The following SOX6 variants were observed in gnomAD, a reference collection of about 807,000 sequenced individuals.
The protein encoded by SOX6 is SRY-box transcription factor 6, also known as transcription factor SOX-6.
SOX6 carries 11 observed loss-of-function variants against 97.8 expected under a neutral mutation model. The ratio of observed to expected loss-of-function variants is 0.11; its 90% CI spans 0.07 to 0.19. SOX6 has a LOEUF of 0.19. Among genes scored for constraint, SOX6 ranks in the 10% least tolerant of loss-of-function variants. The pLI, the probability that SOX6 is intolerant of heterozygous loss-of-function variation, is 1.00. For synonymous variants in SOX6, 360 were observed against 371.4 expected (o/e 0.97, Z 0.35); for missense variants, 810 against 1,039.5 (o/e 0.78, Z 3.04).
rs534665814 is a variant in SOX6 at position 16,545,313 on chromosome 11, C to G, written n.609+66768G>C. Among the ~76,000 whole-genome samples, 32 of 150,234 alleles carry G rather than the reference C, an allele frequency of 2.1e-4. No individual in the cohort carries two copies. In the South Asian group the frequency reaches 6.3e-3, roughly 30 times the overall value. ...TGAATAAAACTATAAACCCATGGAT[C>G]CAAAAACTTTAACAAAGTAAAGTCC... On this transcript the variant is annotated intron_variant and non_coding_transcript_variant, in intron 4 of 5. Transcript: ENST00000524520.
chr11:16,518,367 T>G (rs989936674), intron 4 of SOX6, among the ~76,000 whole-genome samples: 1 of 152,222 alleles, frequency 6.6e-6, no homozygotes, highest in African/African-American at 2.4e-5. Context: ...TCCTGAAAGT[T>G]AACTCTCCCA....
In SOX6 at chr11:16,578,940, G is replaced by C. The variant is rs111389955; in HGVS notation, n.609+33141C>G. On this transcript the variant is annotated intron_variant and non_coding_transcript_variant, in intron 4 of 5. Coordinates refer to the SOX6 transcript ENST00000524520. ...TTTTGTTTTGATTTCCAAAATAGCT[G>C]AAAAAAGCTTGTTTCCTTGGAATTT... 4.5e-3 allele frequency among the ~76,000 whole-genome samples: 689 copies of C among 152,062 alleles called. 3 individuals are homozygous for C. Among genetic ancestry groups the C allele is most frequent in the Non-Finnish European group, 8.1e-3 (549 of 67,900 alleles).
rs4508167 is a variant in SOX6, at chr11:16,553,979, C to T, written n.609+58102G>A. 5.6e-3 allele frequency among the ~76,000 whole-genome samples: 851 copies of T among 152,098 alleles called. 9 individuals are homozygous for T. The highest frequency in any genetic ancestry group is 0.02 in the African/African-American group (811 of 41,506). On this transcript the variant is annotated intron_variant and non_coding_transcript_variant, in intron 4 of 5. Coordinates refer to the SOX6 transcript ENST00000524520. ...ATTTGAAGTGTCTTAGGATGGTCAA[C>T]GCGGCAGTTTAGAAAGTGGTAGGCC...
intron 3 of SOX6, among the ~76,000 whole-genome samples, chr11:16,702,524 G>A (rs1327126549): frequency 1.3e-5 from 2 of 152,118 alleles, no homozygotes; most frequent in Non-Finnish European, 2.9e-5. Context: ...TATGTAAATT[G>A]TTAAATTTAC....
chr11:16,566,646 G>A (rs765953450), intron 4 of SOX6, among the ~76,000 whole-genome samples: 3 of 152,196 alleles, frequency 2.0e-5, no homozygotes, highest in Non-Finnish European at 4.4e-5. Context: ...TGACATACCC[G>A]CTAGGGCGGC....
chr11:16,352,033 G>A lies in SOX6; in HGVS notation c.-5+4061C>T, dbSNP rs551821907. ...ATTAATAGGCAGAAATAAATTTAGGGTGTTATCTTCAACCAGAAAAAAGTA... is the reference window on the plus strand; with the variant it reads ...ATTAATAGGCAGAAATAAATTTAGGATGTTATCTTCAACCAGAAAAAAGTA... On this transcript the variant is annotated intron_variant, in intron 1 of 15. Coordinates refer to ENST00000683767, the MANE Select transcript of SOX6 (RefSeq NM_001367873.1). Among the ~76,000 whole-genome samples the A allele has an allele frequency of 1.8e-4, 28 of 151,778 alleles. 1 individual carries two copies. The highest frequency in any genetic ancestry group is 3.2e-4 in the Non-Finnish European group (22 of 67,926).
intron 4 of SOX6, among the ~76,000 whole-genome samples, chr11:16,211,104 T>TA (rs1232280137): frequency 6.6e-6 from 1 of 151,476 alleles, no homozygotes; most frequent in Admixed American, 6.6e-5. Flanking sequence ...CACATAAAAA[T>TA]AAAAAAATTT....
chr11:16,132,448 G>GAAAGAAAGAAAGAA (rs1849829792), intron 6 of SOX6, among the ~76,000 whole-genome samples: 7 of 74,134 alleles, frequency 9.4e-5, no homozygotes, highest in African/African-American at 4.3e-4. Context: ...AAAGAAAAAA[G>GAAAGAAAGAAAGAA]AAAGAAAGAA....
chr11:16,258,079 T>C (rs140379060), intron 3 of SOX6, among the ~76,000 whole-genome samples: 2 of 152,100 alleles, frequency 1.3e-5, no homozygotes, highest in East Asian at 3.9e-4. Context: ...CTGGTGAAGA[T>C]GTGGATCAGC....
chr11:16,064,224 T>C (rs1436214778), intron 9 of SOX6, among the ~76,000 whole-genome samples: 1 of 151,590 alleles, frequency 6.6e-6, no homozygotes, highest in African/African-American at 2.4e-5. Flanking sequence ...AGAAGAACTA[T>C]GCAAAGTATA....
chr11:16,251,874 T>C (rs1439631329), intron 3 of SOX6, among the ~76,000 whole-genome samples: 1 of 152,102 alleles, frequency 6.6e-6, no homozygotes, highest in East Asian at 1.9e-4. Context: ...GAATGCGAAG[T>C]TGCTTGAAGA....
rs746029086 is a variant in SOX6 at position 16,186,774 on chromosome 11, A to G, written c.708+9T>C. 58 of 1,612,320 alleles carry G rather than the reference A, an allele frequency of 3.6e-5. No individual in the cohort carries two copies. Among genetic ancestry groups the G allele is most frequent in the Non-Finnish European group, 4.8e-5 (57 of 1,179,758 alleles). On this transcript the variant is annotated intron_variant, in intron 5 of 15. Coordinates refer to ENST00000683767, the MANE Select transcript of SOX6 (RefSeq NM_001367873.1). ...TCTCCAGTTCGTCAGTGCCTTTTGC[A>G]GGGCTCACCTGTTCTTGCTGTTGGC...
chr11:16,031,728 G>T (rs1855379559), intron 12 of SOX6, among the ~76,000 whole-genome samples: 1 of 151,944 alleles, frequency 6.6e-6, no homozygotes. Flanking sequence ...AGGGAGGGTG[G>T]AAAAATAAGA....
At chr11:16,615,039 G>GC in intron 3 of SOX6, among the ~76,000 whole-genome samples, 1 of 152,062 alleles carries the variant, frequency 6.6e-6, no homozygotes, top group South Asian at 2.1e-4. Context: ...GAAGCAACAG[G>GC]CCCCCAAGCC....
intron 2 of SOX6, among the ~76,000 whole-genome samples, chr11:16,331,537 T>C (rs762950185): frequency 6.6e-6 from 1 of 152,206 alleles, no homozygotes; most frequent in Non-Finnish European, 1.5e-5. Flanking sequence ...TTTCTTCTAA[T>C]ATGTTAAATT....
At chr11:16,270,014 C>T (rs1854203481) in intron 3 of SOX6, 1 of 151,198 alleles carries the variant, frequency 6.6e-6, no homozygotes, top group African/African-American at 2.4e-5. Context: ...AAGGGAAATT[C>T]CTGTAGCATT....
intron 9 of SOX6, among the ~76,000 whole-genome samples, chr11:16,074,560 A>T (rs1266741654): frequency 1.3e-5 from 2 of 152,200 alleles, no homozygotes; most frequent in Non-Finnish European, 2.9e-5. Flanking sequence ...ATTTCTATAT[A>T]CCAACAATGT....
At chr11:16,583,621 A>ATATATATG (rs1554976111) in intron 4 of SOX6, among the ~76,000 whole-genome samples, 25 of 136,044 alleles carry the variant, frequency 1.8e-4, no homozygotes, top group African/African-American at 6.6e-4. Flanking sequence ...ATACATATAT[A>ATATATATG]TATATATATA....
At chr11:16,148,176 G>A (rs556626043) in intron 6 of SOX6, among the ~76,000 whole-genome samples, 47 of 152,246 alleles carry the variant, frequency 3.1e-4, no homozygotes, top group African/African-American at 1.1e-3. Context: ...ACAGTCTAAG[G>A]CAATTTAAAG....
Sources: gnomAD v4.1 joint callset for allele counts (sites outside exome capture counted in the v4.1 genomes callset) on GRCh38, gnomAD v4.1.1 for gene constraint, MANE v1.5 for transcripts, NCBI Gene and HGNC (gene_info 2026-07-23, HGNC 2026-07-21) for gene names.